The following MUC5AC variants were observed in gnomAD, a reference collection of about 807,000 sequenced individuals.
MUC5AC encodes the protein mucin-5AC.
Under a neutral mutation model 169.7 loss-of-function variants are expected in MUC5AC, and 158 were observed. The observed-to-expected ratio is 0.93, with a 90% CI of 0.82 to 1.06. The LOEUF (loss-of-function observed/expected upper bound fraction) is 1.06. MUC5AC is among the 50% of genes least tolerant of loss of function. MUC5AC has a pLI of 0.00. For missense variants in MUC5AC, 4,359 were observed against 3,089.9 expected (o/e 1.41, Z -9.74); for synonymous variants, 1,975 against 1,237.0 (o/e 1.60, Z -12.52).
Position 1,194,097 on chromosome 11 carries a change from TGG to T in MUC5AC, c.14756-10_14756-9del. On this transcript the variant is annotated splice_polypyrimidine_tract_variant and intron_variant, in intron 33 of 48. Transcript: ENST00000621226. ...CCCGAGCCACCCGTAAGGCTGCCCC[TGG>T]GGCCTGGCAGGTGTGTGCAGCGGCT... is the stretch of plus-strand genomic sequence containing the variant. 3 of 763,274 alleles carry T rather than the reference TGG, an allele frequency of 3.9e-6. No individual in the cohort carries two copies. The highest frequency in any genetic ancestry group is 7.2e-6 in the Non-Finnish European group (3 of 416,454). 47.3% of individuals were successfully genotyped at this position (763,274 alleles called of 1,614,324 possible). A position where few individuals can be genotyped will look rare whatever the true frequency, so the allele number is the denominator to read the frequency against.
rs572442821 is a variant in MUC5AC, at chr11:1,161,054, G to A, written c.151+365G>A. The stretch of plus-strand genomic sequence containing the variant: ...CAACACGGGCATCTCCCTTGGCGCC[G>A]GCCGTCCCCATGTGGCTCGTGCTAG... On this transcript the variant is annotated intron_variant, in intron 2 of 48. Transcript: ENST00000621226. Among the ~76,000 whole-genome samples, 312 of 152,314 alleles carry A rather than the reference G, an allele frequency of 2.0e-3. 1 individual carries two copies. The highest frequency in any genetic ancestry group is 6.9e-3 in the African/African-American group (287 of 41,570).
At position 1,159,655 on chromosome 11, in the gene MUC5AC, C is replaced by T. The variant is rs545188416; in HGVS notation, c.74-957C>T. 1.2e-3 allele frequency among the ~76,000 whole-genome samples: 157 copies of T among 127,032 alleles called. 1 individual carries two copies. Among genetic ancestry groups the T allele is most frequent in the Non-Finnish European group, 1.8e-3 (108 of 60,724 alleles). The allele number at this position is 127,032 out of a possible 152,430, so 83.3% of individuals were successfully genotyped here. A position where few individuals can be genotyped will look rare whatever the true frequency, so the allele number is the denominator to read the frequency against. ...CATGCTGGCTCTGTGCAGGGCTGTG[C>T]GGGGCTGGCGTCTGGCCCCACCATG... On this transcript the variant is annotated intron_variant, in intron 1 of 48. Coordinates refer to ENST00000621226, the MANE Select transcript of MUC5AC (RefSeq NM_001304359.2).
At chr11:1,158,199 T>A in intron 1 of MUC5AC, 127 bp downstream of exon 1, 1 of 839,874 alleles carries the variant, frequency 1.2e-6, no homozygotes, top group Non-Finnish European at 1.8e-6. Context: ...CCCAGCAGCA[T>A]AGCCCCTGAC....
intron 42 of MUC5AC, 67 bp from the exon 43 acceptor site, chr11:1,198,201 C>T (rs1004088487): frequency 2.4e-5 from 17 of 714,564 alleles, no homozygotes; most frequent in African/African-American, 1.4e-4. Context: ...GCTGCAGGGG[C>T]GGGAATGCTG....
At position 1,168,998 on chromosome 11, in the gene MUC5AC, G is replaced by A; in HGVS notation, c.1842G>A (p.Glu614=). 6.2e-7 allele frequency: 1 copy of A among 1,605,982 alleles called. No individual in the cohort carries two copies. The highest frequency in any genetic ancestry group is 1.1e-5 in the South Asian group (1 of 90,282). The part of the protein sequence containing the change: ...AACPNIRNSF[E]DPCSLSVENE... ...GCCCCAACATCAGGAACAGCTTCGA[G>A]GACCCCTGCTCTCTGAGCGTGGAGA... Residue 614 remains glutamate (E), a synonymous_variant, in exon 15 of 49, where the codon GAG becomes GAA. Coordinates refer to ENST00000621226, the MANE Select transcript of MUC5AC (RefSeq NM_001304359.2).
chr11:1,189,102 A>G lies in MUC5AC; in HGVS notation c.10957A>G (p.Lys3653Glu). Residue 3653 changes from lysine to glutamate, a missense_variant, in exon 31 of 49, where the codon AAA (lysine) becomes GAA (glutamate). Transcript: ENST00000621226. The part of the protein sequence containing the change: ...SPTQSTSSWQ[K>E]SRTTTLVTSS... Reference sequence around the variant, plus strand: ...AACTCAGAGCACCTCCTCTTGGCAGAAATCCAGGACAACCACTTTGGTGAC... The same window carrying G: ...AACTCAGAGCACCTCCTCTTGGCAGGAATCCAGGACAACCACTTTGGTGAC... The G allele has an allele frequency of 1.7e-6, 1 of 604,916 alleles. No homozygotes were observed. The highest frequency in any genetic ancestry group is 3.0e-6 in the Non-Finnish European group (1 of 338,790). The allele number at this position is 604,916 out of a possible 1,614,324, so 37.5% of individuals were successfully genotyped here.
intron 15 of MUC5AC, among the ~76,000 whole-genome samples, chr11:1,170,639 ATT>A (rs1860483861): frequency 9.1e-6 from 1 of 110,128 alleles, no homozygotes. Flanking sequence ...CCACTCACCC[ATT>A]CACCCATTCA....
At chr11:1,193,871 C>G (rs1861188074) in intron 33 of MUC5AC, among the ~76,000 whole-genome samples, 1 of 152,258 alleles carries the variant, frequency 6.6e-6, no homozygotes, top group South Asian at 2.1e-4. Flanking sequence ...CTCGGAGCAG[C>G]CTGGCTGGAG....
At chr11:1,179,294 C>T (rs1190303388) in intron 26 of MUC5AC, 46 bp downstream of exon 26, 5 of 507,516 alleles carry the variant, frequency 9.9e-6, no homozygotes, top group African/African-American at 2.0e-5. Flanking sequence ...GCGCCGGCAG[C>T]GTGTGCCCCA....
chr11:1,179,350 G>T (rs1040763914), intron 26 of MUC5AC, 102 bp downstream of exon 26: 29 of 468,148 alleles, frequency 6.2e-5, no homozygotes, highest in African/African-American at 5.5e-4. Context: ...GGGTGGGGAA[G>T]GTTTCCAAAT....
chr11:1,199,573 C>T, intron 46 of MUC5AC, 83 bp downstream of exon 46: 1 of 692,146 alleles, frequency 1.4e-6, no homozygotes, highest in South Asian at 1.5e-5. Context: ...CCTGCAGCGC[C>T]AGCAGACACC....
chr11:1,194,010 G>A (rs1252012662), intron 33 of MUC5AC, 100 bp from the exon 34 acceptor site: 5 of 699,140 alleles, frequency 7.2e-6, no homozygotes, highest in South Asian at 1.6e-5. Flanking sequence ...AGATGAGACG[G>A]TGGGGGGTCA....
In MUC5AC at chr11:1,187,930, G is replaced by A. The variant is rs1467587448; in HGVS notation, c.9785G>A (p.Arg3262Gln). 2.0e-5 allele frequency: 15 copies of A among 756,108 alleles called. No individual in the cohort carries two copies. The highest frequency in any genetic ancestry group is 6.9e-5 in the Admixed American group (4 of 58,228). The allele number at this position is 756,108 out of a possible 1,614,324, so 46.8% of individuals were successfully genotyped here. A position where few individuals can be genotyped will look rare whatever the true frequency, so the allele number is the denominator to read the frequency against. The part of the protein sequence containing the change: ...IIRSGEKICR[R>Q]PEEITRLQCR... ...AGGAGTGGGGAAAAAATCTGCCGCC[G>A]ACCTGAGGAGATCACCAGGCTCCAG... Residue 3262 changes from arginine (R) to glutamine (Q), a missense_variant, in exon 31 of 49, where the codon CGA (arginine) becomes CAA (glutamine). Arg to Gln is a conservative substitution (Grantham distance 43). Transcript: ENST00000621226.
At chr11:1,163,130 G>A (rs1860193615) in intron 6 of MUC5AC, 85 bp downstream of exon 6, 14 of 1,286,192 alleles carry the variant, frequency 1.1e-5, no homozygotes, top group East Asian at 4.6e-5. Flanking sequence ...CTGACACTCC[G>A]GGCACACACA....
Position 1,192,417 on chromosome 11 carries a change from GCCTCCGTGGCATCCA to G in MUC5AC, c.14277_14291del (p.Thr4763_Ser4767del), listed in dbSNP as rs1268160780. ...TTCCCTGTCTACTTCCATGGTATCCGCCTCCGTGGCATCCACCTCTGTGGCATCCAGCTCTGTGGC... is the reference window on the plus strand; with the variant it reads ...TTCCCTGTCTACTTCCATGGTATCCGCCTCTGTGGCATCCAGCTCTGTGGC... On this transcript the variant is annotated inframe_deletion, in exon 31 of 49. Transcript: ENST00000621226. 3.9e-6 allele frequency: 3 copies of G among 765,010 alleles called. No homozygotes were observed. In the African/African-American group the frequency reaches 5.1e-5, roughly 13 times the overall value. The allele number at this position is 765,010 out of a possible 1,614,324, so 47.4% of individuals were successfully genotyped here.
chr11:1,180,994 C>T (rs1468343609), intron 28 of MUC5AC, 145 bp from the exon 29 acceptor site: 3 of 397,920 alleles, frequency 7.5e-6, no homozygotes, highest in Middle Eastern at 6.3e-4. Context: ...GGCCTCCTGT[C>T]CCCCAGTCTG....
rs1270244039 is a variant in MUC5AC, at chr11:1,183,810, G to A, written c.5665G>A (p.Val1889Met). ...SSAPSSTPGTVSLSTARTTPA... is the reference protein window; with the variant it reads ...SSAPSSTPGTMSLSTARTTPA... ...AGCCCCCAGCAGCACACCTGGCACC[G>A]TGTCTCTCTCTACAGCCAGGACGAC... The change falls in exon 31 of 49, where the codon GTG (valine) becomes ATG (methionine). Residue 1889 changes from valine (V) to methionine (M), a missense_variant. Physicochemically the swap from Val to Met is conservative, Grantham distance 21. Coordinates refer to ENST00000621226, the MANE Select transcript of MUC5AC (RefSeq NM_001304359.2). 3.3e-5 allele frequency: 14 copies of A among 425,820 alleles called. No individual in the cohort carries two copies. The highest frequency in any genetic ancestry group is 2.5e-4 in the East Asian group (7 of 28,346). The allele number at this position is 425,820 out of a possible 1,614,324, so 26.4% of individuals were successfully genotyped here. A position where few individuals can be genotyped will look rare whatever the true frequency, so the allele number is the denominator to read the frequency against.
intron 1 of MUC5AC, 108 bp from the exon 2 acceptor site, chr11:1,160,504 C>A (rs959865165): frequency 2.2e-6 from 2 of 901,228 alleles, no homozygotes; most frequent in Non-Finnish European, 3.5e-6. Context: ...GCCACCCCCA[C>A]GCACTGTGGC....
rs1860998196 is a variant in MUC5AC, at chr11:1,188,138, A to T, written c.9993A>T (p.Thr3331=). 25 of 724,318 alleles carry T rather than the reference A, an allele frequency of 3.5e-5. No homozygotes were observed. The highest frequency in any genetic ancestry group is 1.5e-5 in the Non-Finnish European group (6 of 395,764). 44.9% of individuals were successfully genotyped at this position (724,318 alleles called of 1,614,324 possible). The part of the protein sequence containing the change: ...ETPKGCPVTS[T]PVTAPSTPSG... ...CTAAAGGTTGCCCCGTGACCTCCAC[A>T]CCTGTGACAGCTCCTAGCACCCCTA... Residue 3331 remains threonine, a synonymous_variant, in exon 31 of 49, where the codon ACA becomes ACT. Coordinates refer to ENST00000621226, the MANE Select transcript of MUC5AC (RefSeq NM_001304359.2).
Sources: gnomAD v4.1 joint callset for allele counts (sites outside exome capture counted in the v4.1 genomes callset) on GRCh38, gnomAD v4.1.1 for gene constraint, MANE v1.5 for transcripts, NCBI Gene and HGNC (gene_info 2026-07-23, HGNC 2026-07-21) for gene names.